MYO19: variants seen among roughly 807,000 people sequenced by gnomAD.
The protein encoded by MYO19 is myosin XIX, also known as unconventional myosin-XIX.
MYO19 carries 132 observed loss-of-function variants against 129.2 expected under a neutral mutation model. That is an observed-to-expected ratio of 1.02 (90% CI 0.89 to 1.18). The LOEUF (loss-of-function observed/expected upper bound fraction) is 1.18, where lower values mean the gene tolerates loss of function less well. Ranked by LOEUF, MYO19 falls within the 50% of genes most tolerant of loss-of-function variation. The pLI, the probability that MYO19 is intolerant of heterozygous loss-of-function variation, is 0.00. For missense variants in MYO19, 1,210 were observed against 1,216.7 expected, an observed-to-expected ratio of 0.99 and a Z score of 0.08; for synonymous variants, 531 against 477.2, an observed-to-expected ratio of 1.11 and a Z score of -1.47.
chr17:36,509,681 C>G (rs968616742), intron 13 of MYO19: 12 of 162,192 alleles, frequency 7.4e-5, no homozygotes, highest in African/African-American at 2.9e-4. Flanking sequence ...AAGACGCTGA[C>G]ACGTACAGCA....
At chr17:36,502,246 A>G (rs1372074853) in intron 21 of MYO19, among the ~76,000 whole-genome samples, 7 of 151,776 alleles carry the variant, frequency 4.6e-5, no homozygotes, top group Admixed American at 4.6e-4. Context: ...CATGCCGACA[A>G]CCCCCATATG....
chr17:36,518,777 CAT>C (rs2072962031), intron 6 of MYO19, among the ~76,000 whole-genome samples: 1 of 151,242 alleles, frequency 6.6e-6, no homozygotes, highest in South Asian at 2.1e-4. Flanking sequence ...TAAACCCAGG[CAT>C]AGTGAGATAG....
At chr17:36,512,897 G>C in intron 11 of MYO19, 1 of 1,054,444 alleles carries the variant, frequency 9.5e-7, no homozygotes. Context: ...ATGTTCCAGA[G>C]GACGACGGGG....
At chr17:36,524,737 C>G (rs1378644044) in intron 6 of MYO19, among the ~76,000 whole-genome samples, 2 of 152,224 alleles carry the variant, frequency 1.3e-5, no homozygotes, top group African/African-American at 4.8e-5. Context: ...CTGCCACATG[C>G]CAAGCATGCC....
At chr17:36,496,455 C>T (rs1193945447) in intron 25 of MYO19, 49 bp from the exon 26 acceptor site, 3 of 1,590,788 alleles carry the variant, frequency 1.9e-6, no homozygotes, top group Non-Finnish European at 1.7e-6. Flanking sequence ...CTGGGAGTGC[C>T]AGGGCCTAAC....
intron 21 of MYO19, among the ~76,000 whole-genome samples, chr17:36,502,449 C>T (rs1415594085): frequency 6.6e-6 from 1 of 152,128 alleles, no homozygotes; most frequent in African/African-American, 2.4e-5. Context: ...TAGTCAAGCC[C>T]CTACCAAGAC....
chr17:36,506,847 T>C (rs2071930476), intron 17 of MYO19, 116 bp downstream of exon 17: 1 of 1,303,152 alleles, frequency 7.7e-7, no homozygotes, highest in Non-Finnish European at 1.0e-6. Flanking sequence ...TGATTCTGGA[T>C]TCTGGGAGGA....
chr17:36,502,179 T>C (rs2071579303), intron 21 of MYO19, among the ~76,000 whole-genome samples: 2 of 152,166 alleles, frequency 1.3e-5, no homozygotes, highest in Admixed American at 1.3e-4. Context: ...GTCCTTGGCC[T>C]GTTCTCCCTC....
At chr17:36,529,718 A>C (rs78155087) in intron 3 of MYO19, among the ~76,000 whole-genome samples, 40 of 152,154 alleles carry the variant, frequency 2.6e-4, no homozygotes, top group African/African-American at 6.7e-4. Context: ...GGAAAAAAAA[A>C]CCACCACTAC....
At chr17:36,525,462 A>T in intron 5 of MYO19, 121 bp from the exon 6 acceptor site, 1 of 728,464 alleles carries the variant, frequency 1.4e-6, no homozygotes, top group South Asian at 1.7e-5. Context: ...TCCTCCAGAA[A>T]AATTTTCTGG....
At chr17:36,499,216 C>T (rs1332723429) in intron 23 of MYO19, 56 bp from the exon 24 acceptor site, 1 of 1,333,460 alleles carries the variant, frequency 7.5e-7, no homozygotes, top group Non-Finnish European at 1.1e-6. Context: ...TTAGAGCTGT[C>T]AGTGACCTCG....
At chr17:36,511,097 G>T in intron 12 of MYO19, 180 bp from the exon 13 acceptor site, 1 of 715,836 alleles carries the variant, frequency 1.4e-6, no homozygotes. Context: ...CTCAAACCCA[G>T]CACTTTCATG....
chr17:36,527,574 A>G lies in MYO19; in HGVS notation c.277T>C (p.Tyr93His). The change falls in exon 5 of 26, where the codon TAC becomes CAC. Residue 93 changes from tyrosine (Y) to histidine (H), a missense_variant. Transcript: ENST00000614623. ...ACCTGGGGCTGAGGCGCAGCATGGT[A>G]CTCTCTCATTAGCTCGGGCGAGTAG... is the stretch of plus-strand genomic sequence containing the variant. ...QLYSPELMRE[Y>H]HAAPQPQKLK... 2 of 1,613,804 alleles carry G rather than the reference A, an allele frequency of 1.2e-6. No homozygotes were observed. The highest frequency in any genetic ancestry group is 1.7e-6 in the Non-Finnish European group (2 of 1,179,852).
chr17:36,497,588 A>AC, intron 25 of MYO19: 1 of 971,954 alleles, frequency 1.0e-6, no homozygotes, highest in Non-Finnish European at 1.2e-6. Context: ...CCTAAACCAA[A>AC]CTTTTTTTTT....
chr17:36,511,462 G>A lies in MYO19; in HGVS notation c.895-7C>T, dbSNP rs1277933294. 1.3e-6 allele frequency: 2 copies of A among 1,555,830 alleles called. No homozygotes were observed. Among genetic ancestry groups the A allele is most frequent in the Non-Finnish European group, 1.7e-6 (2 of 1,149,534 alleles). ...GCAGCAGTCCAGCTAGGACCTGGGG[G>A]AAAGAAAAGGATGGGTGGGAGTAGG... On this transcript the variant is annotated splice_region_variant and splice_polypyrimidine_tract_variant and intron_variant, in intron 11 of 25. Coordinates refer to ENST00000614623, the MANE Select transcript of MYO19 (RefSeq NM_001163735.2).
intron 18 of MYO19, 46 bp downstream of exon 18, chr17:36,506,410 C>T: frequency 6.2e-7 from 1 of 1,604,052 alleles, no homozygotes; most frequent in Non-Finnish European, 8.5e-7. Flanking sequence ...ATTTGTGAGA[C>T]CGTGGAGTTT....
upstream of MYO19, among the ~76,000 whole-genome samples, chr17:36,536,818 A>G (rs1276672396): frequency 6.6e-6 from 1 of 152,168 alleles, no homozygotes; most frequent in Non-Finnish European, 1.5e-5. Flanking sequence ...CCTGGCCCCA[A>G]ATTCACTTTC....
At chr17:36,510,939 T>TA in intron 12 of MYO19, 22 bp from the exon 13 acceptor site, 1 of 1,553,750 alleles carries the variant, frequency 6.4e-7, no homozygotes, top group Non-Finnish European at 8.7e-7. Context: ...AAATCCTCTT[T>TA]AGGCAAATCA....
chr17:36,507,115 T>C lies in MYO19; in HGVS notation c.1492A>G (p.Ser498Gly). The change falls in exon 17 of 26, where the codon AGC becomes GGC. Residue 498 changes from serine to glycine, a missense_variant. Ser to Gly is a moderately conservative substitution (Grantham distance 56, BLOSUM62 0). Transcript: ENST00000614623. ...NEECRLNRPS[S>G]AAQLQTRIET... Reference sequence around the variant, plus strand: ...ATGCGTGTCTGGAGCTGGGCTGCGCTGCTGGGTCGATTGAGGCGGCATTCC... The same window carrying C: ...ATGCGTGTCTGGAGCTGGGCTGCGCCGCTGGGTCGATTGAGGCGGCATTCC... 6.2e-7 allele frequency: 1 copy of C among 1,605,730 alleles called. No individual in the cohort carries two copies. The highest frequency in any genetic ancestry group is 8.5e-7 in the Non-Finnish European group (1 of 1,173,592).
Sources: allele counts gnomAD v4.1 joint callset (sites outside exome capture counted in the v4.1 genomes callset), GRCh38; gene constraint gnomAD v4.1.1; transcripts MANE v1.5; gene names NCBI Gene and HGNC (gene_info 2026-07-23, HGNC 2026-07-21).